SYNPR: variants seen among roughly 807,000 people sequenced by gnomAD.
SYNPR encodes the protein synaptoporin.
Under a neutral mutation model 32.9 loss-of-function variants are expected in SYNPR, and 23 were observed. The ratio of observed to expected loss-of-function variants is 0.70; its 90% CI spans 0.50 to 0.99. SYNPR has a LOEUF of 0.99. Ranked by LOEUF, SYNPR falls within the 50% of genes least tolerant of loss-of-function variation. The pLI is 0.00. For missense variants in SYNPR, 318 were observed against 349.3 expected, an observed-to-expected ratio of 0.91 and a Z score of 0.71; for synonymous variants, 146 against 135.9, an observed-to-expected ratio of 1.07 and a Z score of -0.52.
chr3:63,218,008 T>G, the SYNPR span, among the ~76,000 whole-genome samples: 2 of 152,122 alleles, frequency 1.3e-5, no homozygotes, highest in African/African-American at 4.8e-5. Context: ...GCTATTTCTT[T>G]GGGGTTGATT....
intron 4 of SYNPR, among the ~76,000 whole-genome samples, chr3:63,598,619 C>T (rs1413714375): frequency 1.3e-5 from 2 of 152,230 alleles, no homozygotes; most frequent in African/African-American, 4.8e-5. Context: ...TCTCTTAATA[C>T]TCCTGGCCGC....
intron 2 of SYNPR, among the ~76,000 whole-genome samples, chr3:63,318,440 T>C (rs1429427127): frequency 1.3e-5 from 2 of 151,974 alleles, no homozygotes; most frequent in African/African-American, 4.8e-5. Context: ...TTGGAGACTT[T>C]GTTCATATTT....
chr3:63,242,487 C>T (rs1389429002), intron 1 of SYNPR, among the ~76,000 whole-genome samples: 3 of 152,072 alleles, frequency 2.0e-5, no homozygotes, highest in Non-Finnish European at 4.4e-5. Flanking sequence ...AAATGTGAAC[C>T]CATCACTATG....
At chr3:63,518,100 T>G (rs1232521021) in intron 3 of SYNPR, among the ~76,000 whole-genome samples, 1 of 152,072 alleles carries the variant, frequency 6.6e-6, no homozygotes, top group Non-Finnish European at 1.5e-5. Context: ...TATATGACCA[T>G]ACACAATATC....
At chr3:63,251,956 A>C (rs1008984446) in intron 1 of SYNPR, among the ~76,000 whole-genome samples, 8 of 152,178 alleles carry the variant, frequency 5.3e-5, no homozygotes, top group Admixed American at 5.2e-4. Context: ...AAGGCAATTA[A>C]ATGTCTTCCA....
the SYNPR span, among the ~76,000 whole-genome samples, chr3:63,211,149 AC>A: frequency 6.6e-6 from 1 of 152,026 alleles, no homozygotes; most frequent in Non-Finnish European, 1.5e-5. Flanking sequence ...GCTCACTGCA[AC>A]CTCCACCTCC....
chr3:63,402,962 C>G (rs1015525142), intron 2 of SYNPR, among the ~76,000 whole-genome samples: 1 of 152,110 alleles, frequency 6.6e-6, no homozygotes, highest in African/African-American at 2.4e-5. Context: ...ACTAAGGAAG[C>G]CTTTCTAGAG....
chr3:63,273,668 T>C (rs979409169), upstream of SYNPR, among the ~76,000 whole-genome samples: 1 of 152,214 alleles, frequency 6.6e-6, no homozygotes, highest in Non-Finnish European at 1.5e-5. Context: ...TAAGTTCACA[T>C]TGGCCATCCA....
chr3:63,272,441 T>G (rs921010352), intron 3 of SYNPR, among the ~76,000 whole-genome samples: 8 of 151,910 alleles, frequency 5.3e-5, no homozygotes, highest in Non-Finnish European at 1.2e-4. Flanking sequence ...CTCCATTCTT[T>G]GGGCTTTGTT....
At chr3:63,225,159 AGT>A (rs932398560), upstream of SYNPR, among the ~76,000 whole-genome samples, 2 of 152,188 alleles carry the variant, frequency 1.3e-5, no homozygotes, top group African/African-American at 4.8e-5. Flanking sequence ...AATGTTCCCA[AGT>A]GTGTCACAGG....
At chr3:63,203,834 T>C in the SYNPR span, among the ~76,000 whole-genome samples, 1 of 152,164 alleles carries the variant, frequency 6.6e-6, no homozygotes, top group African/African-American at 2.4e-5. Flanking sequence ...CTATCTCTAC[T>C]AAATAATACA....
intron 2 of SYNPR, among the ~76,000 whole-genome samples, chr3:63,352,659 C>T (rs1321711050): frequency 6.6e-6 from 1 of 152,138 alleles, no homozygotes; most frequent in Admixed American, 6.5e-5. Flanking sequence ...CCATTTCATG[C>T]TGCTAATAAA....
intron 3 of SYNPR, among the ~76,000 whole-genome samples, chr3:63,525,822 G>C (rs773898757): frequency 2.0e-5 from 3 of 152,148 alleles, no homozygotes; most frequent in Admixed American, 6.5e-5. Flanking sequence ...TAGTCCACTT[G>C]TGTTGCTATA....
chr3:63,424,671 C>T (rs1699860985), intron 2 of SYNPR, among the ~76,000 whole-genome samples: 1 of 152,188 alleles, frequency 6.6e-6, no homozygotes, highest in African/African-American at 2.4e-5. Flanking sequence ...GCTTTGCAAT[C>T]ACTCTGTTAG....
intron 2 of SYNPR, among the ~76,000 whole-genome samples, chr3:63,386,603 A>ATTTC (rs1553875004): frequency 2.0e-5 from 3 of 149,986 alleles, no homozygotes; most frequent in Non-Finnish European, 4.4e-5. Context: ...GATTATATTT[A>ATTTC]CTTCCTTCCT....
Position 63,427,105 on chromosome 3 carries a change from T to C in SYNPR, c.85-53727T>C, listed in dbSNP as rs1001769881. ...GACCAACCGGTCTCAAGCTACTTGT[T>C]TGAAAGGATGAGTTATATAAAATGG... is the stretch of plus-strand genomic sequence containing the variant. On this transcript the variant is annotated intron_variant, in intron 2 of 5. Transcript: ENST00000478300. 1.2e-4 allele frequency among the ~76,000 whole-genome samples: 18 copies of C among 151,606 alleles called. No individual in the cohort carries two copies. The South Asian group carries it at 2.1e-3, about 18-fold the overall frequency.
At chr3:63,374,954 TG>T (rs2087868774) in intron 2 of SYNPR, among the ~76,000 whole-genome samples, 1 of 152,146 alleles carries the variant, frequency 6.6e-6, no homozygotes, top group Non-Finnish European at 1.5e-5. Flanking sequence ...TATCTGTTTT[TG>T]TACCAGTACC....
In SYNPR at chr3:63,445,711, A is replaced by T. The variant is rs1192811594; in HGVS notation, c.85-35121A>T. 11 of 521,506 alleles carry T rather than the reference A, an allele frequency of 2.1e-5. No individual in the cohort carries two copies. The East Asian group carries it at 3.2e-4, about 15-fold the overall frequency. 32.3% of individuals were successfully genotyped at this position (521,506 alleles called of 1,614,324 possible). A position where few individuals can be genotyped will look rare whatever the true frequency, so the allele number is the denominator to read the frequency against. ...AGATGAGAAAATGGAGACATAGGAC[A>T]AGTATGTAACTTACTTGAGGAAACA... On this transcript the variant is annotated intron_variant, in intron 2 of 5. Transcript: ENST00000478300.
At chr3:63,390,765 C>T (rs955348902) in intron 2 of SYNPR, among the ~76,000 whole-genome samples, 8 of 152,138 alleles carry the variant, frequency 5.3e-5, no homozygotes, top group African/African-American at 1.9e-4. Flanking sequence ...TTCCTTTGGC[C>T]TGGAATGCTC....
Sources: gnomAD v4.1 joint callset for allele counts (sites outside exome capture counted in the v4.1 genomes callset) on GRCh38, gnomAD v4.1.1 for gene constraint, MANE v1.5 for transcripts, NCBI Gene and HGNC (gene_info 2026-07-23, HGNC 2026-07-21) for gene names.